TTC14: variants seen among roughly 807,000 people sequenced by gnomAD.
TTC14 encodes the protein tetratricopeptide repeat domain 14.
Under a neutral mutation model 79.9 loss-of-function variants are expected in TTC14, and 63 were observed. The ratio of observed to expected loss-of-function variants is 0.79; its 90% CI spans 0.64 to 0.97. TTC14 has a LOEUF of 0.97. Among genes scored for constraint, TTC14 ranks in the 50% least tolerant of loss-of-function variants. The pLI, the probability that TTC14 is intolerant of heterozygous loss-of-function variation, is 0.00. For synonymous variants in TTC14, 335 were observed against 309.6 expected (o/e 1.08, Z -0.86); for missense variants, 895 against 894.0 (o/e 1.00, Z -0.01).
chr3:180,602,870 A>G (rs757957846), intron 1 of TTC14, 21 bp from the exon 2 acceptor site: 2 of 1,593,220 alleles, frequency 1.3e-6, no homozygotes, highest in Non-Finnish European at 1.7e-6. Context: ...CAATTTTCAT[A>G]TATATTTTTT....
In TTC14 at chr3:180,608,584, T is replaced by C. The variant is rs571696977; in HGVS notation, c.1291-117T>C. The C allele has an allele frequency of 1.5e-5, 20 of 1,337,850 alleles. No individual in the cohort carries two copies. In the Admixed American group the frequency reaches 5.3e-4, roughly 35 times the overall value. The allele number at this position is 1,337,850 out of a possible 1,614,324, so 82.9% of individuals were successfully genotyped here. On this transcript the variant is annotated intron_variant, in intron 10 of 11. Coordinates refer to ENST00000296015, the MANE Select transcript of TTC14 (RefSeq NM_133462.4). ...AAAATACTGTTTAATGCTGGCTCTA[T>C]GGTGATTTGGTTTTACTAAATTGGG...
chr3:180,605,870 A>G (rs1716654097), intron 7 of TTC14, 33 bp downstream of exon 7: 1 of 1,565,142 alleles, frequency 6.4e-7, no homozygotes, highest in African/African-American at 1.4e-5. Flanking sequence ...ATTGCATTAT[A>G]TCTAGTCTAA....
At position 180,610,649 on chromosome 3, in the gene TTC14, G is replaced by A; in HGVS notation, c.*107G>A. ...GAAATCTCTGCTTCTAAAATTATTT[G>A]TAGAGATTACAGGAAACAAATGCTT... On this transcript the variant is annotated 3_prime_UTR_variant, in exon 12 of 12. Coordinates refer to ENST00000296015, the MANE Select transcript of TTC14 (RefSeq NM_133462.4). 6.8e-7 allele frequency: 1 copy of A among 1,470,132 alleles called. No homozygotes were observed. Among genetic ancestry groups the A allele is most frequent in the Admixed American group, 2.7e-5 (1 of 37,392 alleles). The allele number at this position is 1,470,132 out of a possible 1,614,324, so 91.1% of individuals were successfully genotyped here. A position where few individuals can be genotyped will look rare whatever the true frequency, so the allele number is the denominator to read the frequency against.
chr3:180,616,983 A>G, intron 12 of TTC14: 1 of 1,222,356 alleles, frequency 8.2e-7, no homozygotes, highest in South Asian at 1.7e-5. Flanking sequence ...AAAAAATATT[A>G]ACATGTATTT....
At position 180,602,364 on chromosome 3, in the gene TTC14, C is replaced by G; in HGVS notation, c.103C>G (p.Leu35Val). ...GGACAATCCACACTTCCGTAGCCTCCTGGGGTCGGCCGCCGAGCCAGCCCG... is the reference window on the plus strand; with the variant it reads ...GGACAATCCACACTTCCGTAGCCTCGTGGGGTCGGCCGCCGAGCCAGCCCG... ...QQDNPHFRSL[L>V]GSAAEPARGP... The change falls in exon 1 of 12, where the codon CTG becomes GTG. Residue 35 changes from leucine (L) to valine (V), a missense_variant. By Grantham distance (32) the Leu-to-Val change is conservative (BLOSUM62 1). Coordinates refer to ENST00000296015, the MANE Select transcript of TTC14 (RefSeq NM_133462.4). 4 of 1,611,944 alleles carry G rather than the reference C, an allele frequency of 2.5e-6. No individual in the cohort carries two copies. The highest frequency in any genetic ancestry group is 3.4e-6 in the Non-Finnish European group (4 of 1,179,700).
downstream of TTC14, chr3:180,611,199 T>C: frequency 1.0e-6 from 1 of 981,514 alleles, no homozygotes; most frequent in Non-Finnish European, 1.2e-6. Context: ...CCATTTTGCT[T>C]ATTTCTCCAT....
intron 9 of TTC14, among the ~76,000 whole-genome samples, chr3:180,607,334 C>T (rs976767877): frequency 6.6e-6 from 1 of 152,018 alleles, no homozygotes; most frequent in Non-Finnish European, 1.5e-5. Context: ...GGAAAAAAGC[C>T]TGCTGGTATA....
chr3:180,606,240 A>G lies in TTC14; in HGVS notation c.930-13A>G. The G allele has an allele frequency of 6.2e-7, 1 of 1,613,088 alleles. No individual in the cohort carries two copies. Among genetic ancestry groups the G allele is most frequent in the Non-Finnish European group, 8.5e-7 (1 of 1,179,734 alleles). ...TTGAAGTGTTTGTGATGCTTTACAA[A>G]TGTCTTTTTTAGTGTGAAGATCGGA... On this transcript the variant is annotated splice_polypyrimidine_tract_variant and intron_variant, in intron 7 of 11. Coordinates refer to ENST00000296015, the MANE Select transcript of TTC14 (RefSeq NM_133462.4).
At chr3:180,617,463 A>C (rs1023210295) in exon 13 of TTC14, 1 of 688,634 alleles carries the variant, frequency 1.5e-6, no homozygotes, top group African/African-American at 1.8e-5. Flanking sequence ...GGGCATTGTT[A>C]TCATAGATGA....
chr3:180,610,093 C>T lies in TTC14; in HGVS notation c.1864C>T (p.His622Tyr). 1.2e-6 allele frequency: 2 copies of T among 1,613,370 alleles called. No homozygotes were observed. Among genetic ancestry groups the T allele is most frequent in the Non-Finnish European group, 8.5e-7 (1 of 1,179,818 alleles). The change falls in exon 12 of 12, where the codon CAT (histidine) becomes TAT (tyrosine). Residue 622 changes from histidine to tyrosine, a missense_variant. Transcript: ENST00000296015. ...KTEKPYKSER[H>Y]FSSRRNSSDS... ...AGAAAAGCCATATAAATCAGAAAGA[C>T]ATTTTTCCAGTAGAAGAAATTCCTC...
chr3:180,614,672 A>G (rs1265351122), downstream of TTC14: 3 of 379,804 alleles, frequency 7.9e-6, no homozygotes, highest in African/African-American at 6.4e-5. Flanking sequence ...TCAGAATTAC[A>G]GTGAAATACA....
At position 180,609,696 on chromosome 3, in the gene TTC14, T is replaced by A. The variant is rs1177651745; in HGVS notation, c.1467T>A (p.Ser489=). Residue 489 remains serine (S), a synonymous_variant, in exon 12 of 12, where the codon TCT becomes TCA. Coordinates refer to ENST00000296015, the MANE Select transcript of TTC14 (RefSeq NM_133462.4). ...SSVSSADESV[S]SSSSSSSSGH... is the part of the protein sequence containing the mutation. ...TTTCTTCTGCTGATGAATCAGTGTC[T>A]TCATCATCATCCTCTTCCTCTTCTG... 1.2e-6 allele frequency: 2 copies of A among 1,609,778 alleles called. No individual in the cohort carries two copies. Among genetic ancestry groups the A allele is most frequent in the Non-Finnish European group, 1.7e-6 (2 of 1,178,964 alleles).
In TTC14 at chr3:180,609,168, C is replaced by T. The variant is rs538456296; in HGVS notation, c.1400+358C>T. ...GTGGAGACATTTTTGATTGCCATAA[C>T]TGATAGGGTGCTACTGCATCTAGTG... On this transcript the variant is annotated intron_variant, in intron 11 of 11. Coordinates refer to ENST00000296015, the MANE Select transcript of TTC14 (RefSeq NM_133462.4). 62 of 639,074 alleles carry T rather than the reference C, an allele frequency of 9.7e-5. No individual in the cohort carries two copies. The African/African-American group carries it at 1.1e-3, about 11-fold the overall frequency. 39.6% of individuals were successfully genotyped at this position (639,074 alleles called of 1,614,324 possible).
At chr3:180,607,006 C>T (rs1716736044) in intron 9 of TTC14, among the ~76,000 whole-genome samples, 1 of 152,246 alleles carries the variant, frequency 6.6e-6, no homozygotes, top group East Asian at 1.9e-4. Flanking sequence ...AATAGCAATA[C>T]CCTGTAGTTA....
At chr3:180,615,548 A>C (rs113107657), downstream of TTC14, among the ~76,000 whole-genome samples, 1,081 of 152,200 alleles carry the variant, frequency 7.1e-3, 24 homozygotes, top group African/African-American at 0.024. Context: ...AGTTTTAAAT[A>C]TATATTTTAT....
exon 13 of TTC14, chr3:180,617,646 G>A (rs1717299276): frequency 2.5e-6 from 1 of 405,488 alleles, no homozygotes; most frequent in Non-Finnish European, 4.4e-6. Flanking sequence ...ATAGAAAAAT[G>A]CTTAGAGAAT....
downstream of TTC14, chr3:180,615,020 A>T: frequency 6.4e-7 from 1 of 1,559,678 alleles, no homozygotes; most frequent in South Asian, 1.2e-5. Flanking sequence ...CCGGGAATTT[A>T]AGCTCCAGTA....
downstream of TTC14, chr3:180,614,779 C>CT (rs201549088): frequency 9.6e-4 from 637 of 661,290 alleles, 1 homozygote; most frequent in East Asian, 9.0e-3. Flanking sequence ...GAGAACGTTC[C>CT]TTTTTTTTTA....
At chr3:180,605,911 C>T in intron 7 of TTC14, 74 bp downstream of exon 7, 2 of 1,428,974 alleles carry the variant, frequency 1.4e-6, no homozygotes, top group Non-Finnish European at 1.9e-6. Flanking sequence ...ATGCTTATAT[C>T]ATCAATAAGA....
Sources: allele counts gnomAD v4.1 joint callset (sites outside exome capture counted in the v4.1 genomes callset), GRCh38; gene constraint gnomAD v4.1.1; transcripts MANE v1.5; gene names NCBI Gene and HGNC (gene_info 2026-07-23, HGNC 2026-07-21).